The following THOP1 variants were observed in gnomAD, a reference collection of about 807,000 sequenced individuals.
THOP1 encodes thimet oligopeptidase.
In THOP1, 49 loss-of-function variants were observed where a neutral mutation model predicts 71.8. The ratio of observed to expected loss-of-function variants is 0.68; its 90% CI spans 0.54 to 0.87. THOP1 has a LOEUF of 0.87. Among genes scored for constraint, THOP1 ranks in the 40% least tolerant of loss-of-function variants. The pLI is 0.00. For synonymous variants in THOP1, 426 were observed against 421.5 expected (o/e 1.01, Z -0.13); for missense variants, 843 against 975.6 (o/e 0.86, Z 1.81).
chr19:2,811,921 A>C, intron 12 of THOP1, 187 bp downstream of exon 12: 1 of 1,333,618 alleles, frequency 7.5e-7, no homozygotes, highest in Non-Finnish European at 1.0e-6. Flanking sequence ...GGCCGAGAAA[A>C]GCACACCTTT....
chr19:2,799,543 A>G (rs1916095110), intron 4 of THOP1, 146 bp from the exon 5 acceptor site: 2 of 633,692 alleles, frequency 3.2e-6, no homozygotes, highest in Non-Finnish European at 5.6e-6. Flanking sequence ...CTCCCGTCTC[A>G]CTCTTTCCTC....
chr19:2,792,994 C>T (rs2144760590), intron 2 of THOP1, among the ~76,000 whole-genome samples: 1 of 151,976 alleles, frequency 6.6e-6, no homozygotes, highest in East Asian at 2.0e-4. Context: ...TGACCAACAT[C>T]CAGAAACCCT....
chr19:2,802,722 C>T lies in THOP1; in HGVS notation c.590-2294C>T, dbSNP rs544212321. On this transcript the variant is annotated intron_variant, in intron 5 of 12. Coordinates refer to ENST00000307741, the MANE Select transcript of THOP1 (RefSeq NM_003249.5). ...CTCGCACATTGTCATACACTAGTTG[C>T]CATGTCCATGGATGACTTCTGCCGC... 1.5e-3 allele frequency among the ~76,000 whole-genome samples: 227 copies of T among 152,326 alleles called. 1 individual carries two copies. The highest frequency in any genetic ancestry group is 5.3e-3 in the African/African-American group (220 of 41,576).
At chr19:2,806,417 C>T in intron 6 of THOP1, 1 of 159,902 alleles carries the variant, frequency 6.3e-6, no homozygotes, top group Non-Finnish European at 1.4e-5. Context: ...TCCTGTGGAC[C>T]CAGCTGGTGG....
chr19:2,807,996 A>G, intron 8 of THOP1, 188 bp downstream of exon 8: 1 of 802,522 alleles, frequency 1.2e-6, no homozygotes, highest in Non-Finnish European at 1.9e-6. Context: ...TTCCAGTCTC[A>G]CTCAGCCACC....
chr19:2,797,121 G>A (rs1176871777), intron 4 of THOP1, among the ~76,000 whole-genome samples: 1 of 152,162 alleles, frequency 6.6e-6, no homozygotes, highest in African/African-American at 2.4e-5. Flanking sequence ...GGGGTCCCTT[G>A]TGAAGGCATG....
intron 4 of THOP1, among the ~76,000 whole-genome samples, chr19:2,798,752 T>C (rs569006682): frequency 9.5e-4 from 144 of 152,326 alleles, no homozygotes; most frequent in African/African-American, 3.4e-3. Flanking sequence ...CCGCCCTCTG[T>C]CCTGCGGATG....
At chr19:2,787,280 C>A (rs959509889) in intron 1 of THOP1, among the ~76,000 whole-genome samples, 5 of 152,194 alleles carry the variant, frequency 3.3e-5, no homozygotes, top group Admixed American at 6.5e-5. Flanking sequence ...CACACTCCCC[C>A]AGCTCTTTGT....
chr19:2,786,647 A>G (rs1275117649), intron 1 of THOP1, among the ~76,000 whole-genome samples: 4 of 151,872 alleles, frequency 2.6e-5, no homozygotes, highest in Admixed American at 6.6e-5. Flanking sequence ...GCTGGGGTGT[A>G]GTGGTGCAAT....
intron 9 of THOP1, chr19:2,810,096 C>T: frequency 1.6e-6 from 1 of 612,620 alleles, no homozygotes; most frequent in Non-Finnish European, 2.8e-6. Flanking sequence ...CCGGCATCTT[C>T]AGGTGTGTCC....
chr19:2,796,380 G>A (rs936074675), intron 4 of THOP1, among the ~76,000 whole-genome samples, 192 bp downstream of exon 4: 7 of 148,964 alleles, frequency 4.7e-5, no homozygotes, highest in African/African-American at 1.5e-4. Context: ...GGAGTGCTGC[G>A]TCCCGGGGAG....
At chr19:2,797,871 A>G (rs1234262930) in intron 4 of THOP1, among the ~76,000 whole-genome samples, 1 of 152,112 alleles carries the variant, frequency 6.6e-6, no homozygotes, top group Non-Finnish European at 1.5e-5. Context: ...TCTCCACCTT[A>G]TGGCTGAGGC....
rs771701402 is a variant in THOP1 at position 2,811,743 on chromosome 19, GGA to G, written c.1908+10_1908+11del. 1.7e-5 allele frequency: 26 copies of G among 1,573,064 alleles called. No homozygotes were observed. The highest frequency in any genetic ancestry group is 2.1e-5 in the Non-Finnish European group (24 of 1,157,256). ...GTGTCCTGAACAGCAAGGTACGCGG[GGA>G]CTGGGGACAGGGAGGGCGTCCTGAA... On this transcript the variant is annotated intron_variant, in intron 12 of 12. Transcript: ENST00000307741.
At chr19:2,798,774 T>C (rs1916077576) in intron 4 of THOP1, among the ~76,000 whole-genome samples, 1 of 152,160 alleles carries the variant, frequency 6.6e-6, no homozygotes, top group African/African-American at 2.4e-5. Context: ...GCATTTCTGC[T>C]CTGGCCCCAT....
At chr19:2,793,730 G>T (rs1459078795) in intron 2 of THOP1, among the ~76,000 whole-genome samples, 1 of 152,134 alleles carries the variant, frequency 6.6e-6, no homozygotes, top group Non-Finnish European at 1.5e-5. Flanking sequence ...TGACTTTTGT[G>T]TCTGGCTTCT....
chr19:2,787,055 C>T (rs972746494), intron 1 of THOP1: 1 of 152,172 alleles, frequency 6.6e-6, no homozygotes, highest in Non-Finnish European at 1.5e-5. Context: ...ACGCCCGTCA[C>T]ACCTGGCTAA....
Position 2,808,098 on chromosome 19 carries a change from A to T in THOP1, c.1254-145A>T, listed in dbSNP as rs1916356121. 3.0e-6 allele frequency: 3 copies of T among 1,003,960 alleles called. No homozygotes were observed. The East Asian group carries it at 8.1e-5, about 27-fold the overall frequency. The allele number at this position is 1,003,960 out of a possible 1,614,324, so 62.2% of individuals were successfully genotyped here. A position where few individuals can be genotyped will look rare whatever the true frequency, so the allele number is the denominator to read the frequency against. ...GTGGTTTTCATGCTGCCCTGCGCCA[A>T]GCCACCTCTGCTGAGAGGGAGGTTT... On this transcript the variant is annotated intron_variant, in intron 8 of 12. Coordinates refer to ENST00000307741, the MANE Select transcript of THOP1 (RefSeq NM_003249.5).
At chr19:2,799,471 G>A (rs905130697) in intron 4 of THOP1, among the ~76,000 whole-genome samples, 5 of 152,204 alleles carry the variant, frequency 3.3e-5, no homozygotes, top group African/African-American at 1.2e-4. Context: ...TTTGGATGCC[G>A]CAGCTGGTGT....
At position 2,790,992 on chromosome 19, in the gene THOP1, G is replaced by C. The variant is rs1010081166; in HGVS notation, c.229+359G>C. Among the ~76,000 whole-genome samples the C allele has an allele frequency of 2.6e-5, 4 of 152,230 alleles. No homozygotes were observed. In the South Asian group the frequency reaches 8.3e-4, roughly 31 times the overall value. On this transcript the variant is annotated intron_variant, in intron 2 of 12. Coordinates refer to ENST00000307741, the MANE Select transcript of THOP1 (RefSeq NM_003249.5). ...CAGCACGCCTCTCCAGCCTCTCCCA[G>C]AGCCAGCAGCCTTGAACCCTGACCC...
Sources: allele counts gnomAD v4.1 joint callset (sites outside exome capture counted in the v4.1 genomes callset), GRCh38; gene constraint gnomAD v4.1.1; transcripts MANE v1.5; gene names NCBI Gene and HGNC (gene_info 2026-07-23, HGNC 2026-07-21).